The following PREX2 variants were observed in gnomAD, a reference collection of about 807,000 sequenced individuals.
The protein encoded by PREX2 is phosphatidylinositol 3,4,5-trisphosphate-dependent Rac exchanger 2 protein.
PREX2 carries 107 observed loss-of-function variants against 203.2 expected under a neutral mutation model. The ratio of observed to expected loss-of-function variants is 0.53; its 90% CI spans 0.45 to 0.62. The LOEUF (loss-of-function observed/expected upper bound fraction) is 0.62. Ranked by LOEUF, PREX2 falls within the 20% of genes least tolerant of loss-of-function variation. The pLI is 0.00. For synonymous variants in PREX2, 672 were observed against 663.6 expected, an observed-to-expected ratio of 1.01 and a Z score of -0.19; for missense variants, 1,777 against 1,955.9, an observed-to-expected ratio of 0.91 and a Z score of 1.72.
chr8:68,053,566 A>G (rs1425712414), intron 9 of PREX2, among the ~76,000 whole-genome samples: 2 of 152,196 alleles, frequency 1.3e-5, no homozygotes, highest in Admixed American at 6.5e-5. Flanking sequence ...AATTTGTTCA[A>G]TTTTCTTTGC....
At chr8:67,997,008 T>C (rs1417559260) in intron 1 of PREX2, among the ~76,000 whole-genome samples, 1 of 152,232 alleles carries the variant, frequency 6.6e-6, no homozygotes, top group South Asian at 2.1e-4. Flanking sequence ...TGAAAAACTA[T>C]TGAGTTGTTT....
At chr8:68,194,113 C>G (rs1255948073) in intron 37 of PREX2, among the ~76,000 whole-genome samples, 2 of 152,154 alleles carry the variant, frequency 1.3e-5, no homozygotes, top group Non-Finnish European at 2.9e-5. Context: ...GAAATAATAT[C>G]TTCCTTCTGA....
In PREX2 at chr8:67,980,357, A is replaced by C. The variant is rs1806230405; in HGVS notation, c.141+27822A>C. On this transcript the variant is annotated intron_variant, in intron 1 of 39. Transcript: ENST00000288368. ...CCTGGGACTGGTAACCCTTTGTGGA[A>C]TTGATAGGAGTTGAAGAAAAGGTAG... Among the ~76,000 whole-genome samples the C allele has an allele frequency of 4.6e-5, 7 of 151,800 alleles. No homozygotes were observed. In the Admixed American group the frequency reaches 4.6e-4, roughly 10 times the overall value.
At chr8:68,111,115 C>T (rs1810525061) in intron 25 of PREX2, 1 of 238,260 alleles carries the variant, frequency 4.2e-6, no homozygotes, top group Non-Finnish European at 8.4e-6. Flanking sequence ...GTTATTGTCT[C>T]CCAGAGGTAT....
rs1813246093 is a variant in PREX2 at position 68,235,340 on chromosome 8, T to G, written c.*3962T>G. The G allele has an allele frequency of 6.6e-6, 1 of 152,166 alleles. No homozygotes were observed. The highest frequency in any genetic ancestry group is 2.4e-5 in the African/African-American group (1 of 41,440). The allele number at this position is 152,166 out of a possible 1,614,324, so 9.4% of individuals were successfully genotyped here. A position where few individuals can be genotyped will look rare whatever the true frequency, so the allele number is the denominator to read the frequency against. On this transcript the variant is annotated 3_prime_UTR_variant, in exon 40 of 40. Transcript: ENST00000288368. ...ACTAACCTTTAATATTTGACTAAAT[T>G]GCTTGTGAATTTTTGGAAACTATGT...
intron 34 of PREX2, among the ~76,000 whole-genome samples, chr8:68,152,902 T>G (rs901032081): frequency 1.3e-5 from 2 of 152,156 alleles, no homozygotes; most frequent in African/African-American, 2.4e-5. Flanking sequence ...CTCAGCCCCT[T>G]TAGCTTCACT....
chr8:68,125,889 CG>C (rs1318889019), intron 30 of PREX2, among the ~76,000 whole-genome samples: 1 of 151,976 alleles, frequency 6.6e-6, no homozygotes, highest in Non-Finnish European at 1.5e-5. Flanking sequence ...TTCTGGCTAA[CG>C]TCCCTCTCCC....
intron 37 of PREX2, among the ~76,000 whole-genome samples, chr8:68,205,030 G>A (rs1048723980): frequency 1.3e-5 from 2 of 152,012 alleles, no homozygotes; most frequent in African/African-American, 2.4e-5. Flanking sequence ...TCCAGCTCTC[G>A]GGCTATGACT....
chr8:68,055,722 C>A, intron 9 of PREX2, 108 bp from the exon 10 acceptor site: 1 of 1,026,936 alleles, frequency 9.7e-7, no homozygotes, highest in Non-Finnish European at 1.4e-6. Context: ...TATCCACAAC[C>A]CCCAGCACAT....
intron 1 of PREX2, among the ~76,000 whole-genome samples, chr8:68,014,806 C>T (rs988782894): frequency 2.6e-5 from 4 of 152,162 alleles, no homozygotes; most frequent in African/African-American, 9.6e-5. Context: ...AGAAGATGAT[C>T]TCTGGACCAA....
chr8:68,228,807 C>T (rs1026654429), intron 39 of PREX2, among the ~76,000 whole-genome samples: 6 of 148,090 alleles, frequency 4.1e-5, no homozygotes, highest in East Asian at 2.0e-4. Flanking sequence ...ATAAATAAGC[C>T]GGGCTGTCAG....
intron 7 of PREX2, among the ~76,000 whole-genome samples, chr8:68,039,898 T>C (rs927747646): frequency 2.6e-5 from 4 of 152,196 alleles, no homozygotes; most frequent in Admixed American, 2.6e-4. Context: ...TGACCCACCA[T>C]ATCTTTTCTT....
intron 23 of PREX2, among the ~76,000 whole-genome samples, chr8:68,104,102 T>A (rs1810342563): frequency 6.6e-6 from 1 of 152,164 alleles, no homozygotes; most frequent in South Asian, 2.1e-4. Context: ...GCCTAAAACC[T>A]CGAATACACT....
intron 1 of PREX2, among the ~76,000 whole-genome samples, chr8:67,983,699 C>T (rs181654705): frequency 6.6e-6 from 1 of 152,288 alleles, no homozygotes; most frequent in East Asian, 1.9e-4. Flanking sequence ...TAGTTTTCTT[C>T]ATTTATTGAC....
In PREX2 at chr8:68,090,562, C is replaced by A; in HGVS notation, c.2114-17C>A. 6.3e-7 allele frequency: 1 copy of A among 1,580,634 alleles called. No homozygotes were observed. The highest frequency in any genetic ancestry group is 8.6e-7 in the Non-Finnish European group (1 of 1,156,290). ...CCTGAAATTTGTTTTTGGTTATTTT[C>A]TCATTTGTATTTATAGGAACTGTGG... On this transcript the variant is annotated splice_polypyrimidine_tract_variant and intron_variant, in intron 19 of 39. Coordinates refer to ENST00000288368, the MANE Select transcript of PREX2 (RefSeq NM_024870.4).
At chr8:68,216,904 G>A (rs1812851239) in intron 37 of PREX2, among the ~76,000 whole-genome samples, 1 of 150,934 alleles carries the variant, frequency 6.6e-6, no homozygotes, top group East Asian at 2.0e-4. Context: ...AGAGGTTGCA[G>A]TGAGCTGAGG....
chr8:68,047,695 T>C (rs1186610069), intron 8 of PREX2, among the ~76,000 whole-genome samples: 3 of 151,152 alleles, frequency 2.0e-5, no homozygotes, highest in African/African-American at 7.3e-5. Flanking sequence ...CACTTAGAAC[T>C]TGTGATGGAA....
At chr8:68,093,417 A>G (rs1809952767) in intron 20 of PREX2, among the ~76,000 whole-genome samples, 188 bp from the exon 21 acceptor site, 1 of 151,470 alleles carries the variant, frequency 6.6e-6, no homozygotes, top group African/African-American at 2.4e-5. Flanking sequence ...AAAAAGAAAG[A>G]AAGAGTGTTT....
At chr8:68,184,364 TG>T (rs1812147437) in intron 35 of PREX2, among the ~76,000 whole-genome samples, 1 of 152,222 alleles carries the variant, frequency 6.6e-6, no homozygotes. Context: ...AGTCAACTGC[TG>T]TACCATTATA....
Sources: gnomAD v4.1 joint callset for allele counts (sites outside exome capture counted in the v4.1 genomes callset) on GRCh38, gnomAD v4.1.1 for gene constraint, MANE v1.5 for transcripts, NCBI Gene and HGNC (gene_info 2026-07-23, HGNC 2026-07-21) for gene names.